NUP62: variants seen among roughly 807,000 people sequenced by gnomAD.
NUP62 encodes the protein nuclear pore glycoprotein p62.
For synonymous variants in NUP62, 305 were observed against 303.4 expected (o/e 1.01, Z -0.05); for missense variants, 647 against 689.4 (o/e 0.94, Z 0.69).
At chr19:49,918,075 T>C (rs2075670257) in intron 2 of NUP62, among the ~76,000 whole-genome samples, 1 of 145,124 alleles carries the variant, frequency 6.9e-6, no homozygotes, top group African/African-American at 2.5e-5. Flanking sequence ...TGCTTTCCTT[T>C]TTCTTTTTTT....
chr19:49,927,033 G>GT (rs2075911667), intron 2 of NUP62, among the ~76,000 whole-genome samples: 1 of 151,838 alleles, frequency 6.6e-6, no homozygotes, highest in African/African-American at 2.4e-5. Flanking sequence ...CTATTTTTTT[G>GT]TATTTTTGGT....
rs1192508127 is a variant in NUP62, at chr19:49,907,778, T to C, written c.*461A>G. ...CTCGAACTCCTGACCTCAAGTCATC[T>C]GCCCGCCTTGGCCACCCAAAGTGCT... On this transcript the variant is annotated 3_prime_UTR_variant, in exon 3 of 3. Coordinates refer to ENST00000352066, the MANE Select transcript of NUP62 (RefSeq NM_016553.5). The C allele has an allele frequency of 9.3e-5, 31 of 332,416 alleles. No individual in the cohort carries two copies. The highest frequency in any genetic ancestry group is 1.7e-4 in the Non-Finnish European group (29 of 172,384). 20.6% of individuals were successfully genotyped at this position (332,416 alleles called of 1,614,324 possible). A position where few individuals can be genotyped will look rare whatever the true frequency, so the allele number is the denominator to read the frequency against.
intron 2 of NUP62, among the ~76,000 whole-genome samples, chr19:49,910,408 C>G (rs781757397): frequency 6.6e-6 from 1 of 152,202 alleles, no homozygotes; most frequent in South Asian, 2.1e-4. Context: ...CCCCCAGGCC[C>G]ACACCTGCAC....
intron 2 of NUP62, among the ~76,000 whole-genome samples, chr19:49,917,241 G>A (rs897287010): frequency 7.9e-5 from 12 of 152,168 alleles, no homozygotes; most frequent in Admixed American, 2.0e-4. Context: ...CTCAGACGCC[G>A]TCCTCCAACA....
At chr19:49,924,645 G>A (rs2075841828) in intron 2 of NUP62, among the ~76,000 whole-genome samples, 1 of 152,230 alleles carries the variant, frequency 6.6e-6, no homozygotes, top group Admixed American at 6.5e-5. Context: ...GGGGCCACAG[G>A]CCTGGGTCAG....
At position 49,908,149 on chromosome 19, in the gene NUP62, G is replaced by A. The variant is rs1457811940; in HGVS notation, c.*90C>T. On this transcript the variant is annotated 3_prime_UTR_variant, in exon 3 of 3. Coordinates refer to ENST00000352066, the MANE Select transcript of NUP62 (RefSeq NM_016553.5). Reference sequence around the variant, plus strand: ...GTGAAAGAAAGAAACAAACAAACAAGTATCTTGCCACAACCCCAAACTACA... The same window carrying A: ...GTGAAAGAAAGAAACAAACAAACAAATATCTTGCCACAACCCCAAACTACA... 5 of 1,546,044 alleles carry A rather than the reference G, an allele frequency of 3.2e-6. No individual in the cohort carries two copies. The highest frequency in any genetic ancestry group is 2.4e-5 in the East Asian group (1 of 42,140).
At position 49,908,860 on chromosome 19, in the gene NUP62, A is replaced by T. The variant is rs2075383727; in HGVS notation, c.948T>A (p.Pro316=). The change falls in exon 3 of 3, where the codon CCT becomes CCA. Residue 316 remains proline, a synonymous_variant. Coordinates refer to ENST00000352066, the MANE Select transcript of NUP62 (RefSeq NM_016553.5). ...TAAAVTAPPG[P]GAAAGAAASS... ...TGGCAGCCGCCCCTGCAGCTGCGCC[A>T]GGGCCAGGTGGAGCGGTCACGGCAG... The T allele has an allele frequency of 6.2e-7, 1 of 1,611,904 alleles. No individual in the cohort carries two copies. The highest frequency in any genetic ancestry group is 8.5e-7 in the Non-Finnish European group (1 of 1,179,888).
chr19:49,925,642 T>C (rs563763648), intron 2 of NUP62, among the ~76,000 whole-genome samples: 2 of 152,208 alleles, frequency 1.3e-5, no homozygotes, highest in African/African-American at 4.8e-5. Context: ...CCATGATGCC[T>C]AAATATAACG....
chr19:49,928,148 G>A (rs1287316436), intron 1 of NUP62: 1 of 152,302 alleles, frequency 6.6e-6, no homozygotes, highest in East Asian at 1.9e-4. Flanking sequence ...GACAGCAGGT[G>A]TTGGACAGTC....
chr19:49,919,603 GAA>G (rs2075715279), intron 2 of NUP62, among the ~76,000 whole-genome samples: 1 of 152,120 alleles, frequency 6.6e-6, no homozygotes, highest in South Asian at 2.1e-4. Context: ...GCTTTCCCCT[GAA>G]GTCACCTGAC....
At chr19:49,922,270 G>A (rs1240304237) in intron 2 of NUP62, among the ~76,000 whole-genome samples, 1 of 152,212 alleles carries the variant, frequency 6.6e-6, no homozygotes, top group South Asian at 2.1e-4. Context: ...GTGGGGGACA[G>A]TCTTCCTGCC....
intron 2 of NUP62, among the ~76,000 whole-genome samples, chr19:49,915,514 AC>A (rs1281489996): frequency 1.3e-5 from 2 of 152,186 alleles, no homozygotes; most frequent in African/African-American, 2.4e-5. Flanking sequence ...TAGACTCTGG[AC>A]CCCCAGCACT....
In NUP62 at chr19:49,908,689, G is replaced by A. The variant is rs61755736; in HGVS notation, c.1119C>T (p.Thr373=). 6.2e-7 allele frequency: 1 copy of A among 1,612,224 alleles called. No individual in the cohort carries two copies. The highest frequency in any genetic ancestry group is 8.5e-7 in the Non-Finnish European group (1 of 1,180,036). The change falls in exon 3 of 3, where the codon ACC becomes ACT. Residue 373 remains threonine (T), a synonymous_variant. Coordinates refer to ENST00000352066, the MANE Select transcript of NUP62 (RefSeq NM_016553.5). ...CCTTCTCCACCTCGCGGTGCAGGCT[G>A]GTGATCTTTTCTCCATTCTCGATCA... is the stretch of plus-strand genomic sequence containing the variant. ...RTLIENGEKI[T]SLHREVEKVK... is the part of the protein sequence containing the mutation.
In NUP62 at chr19:49,908,069, A is replaced by G; in HGVS notation, c.*170T>C. 7 of 1,397,062 alleles carry G rather than the reference A, an allele frequency of 5.0e-6. No individual in the cohort carries two copies. The highest frequency in any genetic ancestry group is 6.6e-6 in the Non-Finnish European group (7 of 1,056,458). The allele number at this position is 1,397,062 out of a possible 1,614,324, so 86.5% of individuals were successfully genotyped here. Reference sequence around the variant, plus strand: ...GCTGCCTGGGCAGAAGGCCCAGAATACCCTCCTAAATGGAAAAACGCAAAG... The same window carrying G: ...GCTGCCTGGGCAGAAGGCCCAGAATGCCCTCCTAAATGGAAAAACGCAAAG... On this transcript the variant is annotated 3_prime_UTR_variant, in exon 3 of 3. Coordinates refer to ENST00000352066, the MANE Select transcript of NUP62 (RefSeq NM_016553.5).
At chr19:49,928,138 GAC>G (rs967481736) in intron 1 of NUP62, 3 of 152,268 alleles carry the variant, frequency 2.0e-5, no homozygotes, top group African/African-American at 7.2e-5. Flanking sequence ...ACAGAAGAAT[GAC>G]AGCAGGTGTT....
Position 49,908,244 on chromosome 19 carries a change from C to T in NUP62, c.1564G>A (p.Asp522Asn). ...GGCCCCAGGGCTGCTGTCGCTCAGT[C>T]AAAGGTGATCCGGAAGCTGCGCTCC... Reference protein sequence around the residue: ...EQERSFRITFD With the variant: ...EQERSFRITFN Residue 522 changes from aspartate to asparagine, a missense_variant, in exon 3 of 3, where the codon GAC (aspartate) becomes AAC (asparagine). Transcript: ENST00000352066. 2 of 1,613,180 alleles carry T rather than the reference C, an allele frequency of 1.2e-6. No homozygotes were observed. The highest frequency in any genetic ancestry group is 1.7e-6 in the Non-Finnish European group (2 of 1,180,022).
intron 2 of NUP62, among the ~76,000 whole-genome samples, chr19:49,925,154 G>C (rs538498825): frequency 1.3e-5 from 2 of 152,172 alleles, no homozygotes; most frequent in South Asian, 2.1e-4. Flanking sequence ...CTAGCTACTC[G>C]GGAGGCTGAG....
rs144664411 is a variant in NUP62, at chr19:49,908,290, G to A, written c.1518C>T (p.Cys506=). 6,783 of 1,613,882 alleles carry A rather than the reference G, an allele frequency of 4.2e-3. 22 individuals carry two copies. The highest frequency in any genetic ancestry group is 5.0e-3 in the Non-Finnish European group (5,939 of 1,180,020). The change falls in exon 3 of 3, where the codon TGC becomes TGT. Residue 506 remains cysteine, a synonymous_variant. Coordinates refer to ENST00000352066, the MANE Select transcript of NUP62 (RefSeq NM_016553.5). ...QRKVEEVTKV[C]EGRRKEQERS... ...GCTCCTGCTCCTTGCGCCGGCCCTC[G>A]CACACCTTGGTCACCTCCTCCACCT...
chr19:49,926,554 A>C (rs1314014644), intron 2 of NUP62, among the ~76,000 whole-genome samples: 1 of 143,238 alleles, frequency 7.0e-6, no homozygotes, highest in African/African-American at 2.5e-5. Flanking sequence ...AAACCAAACC[A>C]AACCCAGTCC....
Sources: allele counts gnomAD v4.1 joint callset (sites outside exome capture counted in the v4.1 genomes callset), GRCh38; gene constraint gnomAD v4.1.1; transcripts MANE v1.5; gene names NCBI Gene and HGNC (gene_info 2026-07-23, HGNC 2026-07-21).